The following LSS variants were observed in gnomAD, a reference collection of about 807,000 sequenced individuals.
LSS encodes the protein lanosterol synthase.
In LSS, 90 loss-of-function variants were observed where a neutral mutation model predicts 110.3. The ratio of observed to expected loss-of-function variants is 0.82; its 90% CI spans 0.69 to 0.97. LSS has a LOEUF of 0.97. Ranked by LOEUF, LSS falls within the 50% of genes least tolerant of loss-of-function variation. The pLI is 0.00. For synonymous variants in LSS, 433 were observed against 400.0 expected, an observed-to-expected ratio of 1.08 and a Z score of -0.98; for missense variants, 927 against 990.0, an observed-to-expected ratio of 0.94 and a Z score of 0.85.
chr21:46,227,743 G>A lies in LSS; in HGVS notation c.181-53C>T, dbSNP rs1010445318. On this transcript the variant is annotated intron_variant, in intron 2 of 21. Coordinates refer to ENST00000397728, the MANE Select transcript of LSS (RefSeq NM_002340.6). The stretch of plus-strand genomic sequence containing the variant: ...GAGATAGCTGACGGGACTGTTGCCC[G>A]GCCAGAGGAACCCTCTTCACATACA... 10 of 1,599,898 alleles carry A rather than the reference G, an allele frequency of 6.3e-6. No homozygotes were observed. The South Asian group carries it at 6.6e-5, about 11-fold the overall frequency.
rs761985120 is a variant in LSS, at chr21:46,207,476, A to T, written c.1419T>A (p.His473Gln). 1 of 1,612,686 alleles carries T rather than the reference A, an allele frequency of 6.2e-7. No individual in the cohort carries two copies. ...AVLLLQEKCP[H>Q]VTEHIPRERL... ...GTTCTCTGGGGATGTGCTCGGTGAC[A>T]TGGGGACACTTCTCCTGCAGGAGCA... The change falls in exon 15 of 22, where the codon CAT (histidine) becomes CAA (glutamine). Residue 473 changes from histidine (H) to glutamine (Q), a missense_variant. Transcript: ENST00000397728.
intron 17 of LSS, among the ~76,000 whole-genome samples, chr21:46,200,199 A>C (rs1308996253): frequency 1.3e-5 from 2 of 152,246 alleles, no homozygotes; most frequent in South Asian, 2.1e-4. Flanking sequence ...GTGATAAATA[A>C]GTAAATAAAC....
chr21:46,204,198 G>C (rs1322589583), intron 17 of LSS, among the ~76,000 whole-genome samples: 2 of 152,128 alleles, frequency 1.3e-5, no homozygotes, highest in African/African-American at 4.8e-5. Flanking sequence ...GGGAGGCTGA[G>C]GCAGGAGAAT....
intron 20 of LSS, chr21:46,193,091 G>C (rs925121164): frequency 2.5e-5 from 11 of 445,598 alleles, no homozygotes; most frequent in Admixed American, 7.4e-5. Context: ...GGGATACTGT[G>C]GGTGCATCTG....
intron 11 of LSS, among the ~76,000 whole-genome samples, chr21:46,211,767 C>T (rs996967967): frequency 1.3e-5 from 2 of 152,146 alleles, no homozygotes; most frequent in African/African-American, 4.8e-5. Flanking sequence ...TAAGAAGCAA[C>T]CAGTCAGATC....
rs181062412 is a variant in LSS at position 46,195,649 on chromosome 21, C to G, written c.1817+27G>C. ...CAGAGCATTGGGTTGAGAACCCCCA[C>G]CCACCAGAGGACAGGCACTCACTCA... On this transcript the variant is annotated intron_variant, in intron 19 of 21. Transcript: ENST00000397728. 5.9e-5 allele frequency: 94 copies of G among 1,602,394 alleles called. 1 individual carries two copies. Among genetic ancestry groups the G allele is most frequent in the Non-Finnish European group, 8.5e-7 (1 of 1,169,870 alleles).
intron 17 of LSS, among the ~76,000 whole-genome samples, chr21:46,199,947 T>C (rs2079958681): frequency 6.6e-6 from 1 of 152,178 alleles, no homozygotes; most frequent in Admixed American, 6.5e-5. Context: ...CTCTGGACGA[T>C]AATAATTTAT....
Position 46,219,520 on chromosome 21 carries a change from A to G in LSS, c.603T>C (p.Asn201=). Residue 201 remains asparagine, a synonymous_variant, in exon 6 of 22, where the codon AAT becomes AAC. Transcript: ENST00000397728. ...SWGKFWLAVL[N]VYSWEGLNTL... The stretch of plus-strand genomic sequence containing the variant: ...TATTGAGGCCTTCCCAGCTGTAAAC[A>G]TTCAGGACAGCCAGCCAGAACTTCC... 4.4e-6 allele frequency: 7 copies of G among 1,603,528 alleles called. No individual in the cohort carries two copies. Among genetic ancestry groups the G allele is most frequent in the Non-Finnish European group, 6.0e-6 (7 of 1,175,020 alleles).
rs536657412 is a variant in LSS, at chr21:46,190,733, AG to A, written c.*370del. The A allele has an allele frequency of 2.2e-3, 510 of 233,154 alleles. 42 individuals are homozygous for A. The highest frequency in any genetic ancestry group is 0.011 in the African/African-American group (488 of 42,742). The allele number at this position is 233,154 out of a possible 1,614,324, so 14.4% of individuals were successfully genotyped here. A position where few individuals can be genotyped will look rare whatever the true frequency, so the allele number is the denominator to read the frequency against. On this transcript the variant is annotated 3_prime_UTR_variant, in exon 22 of 22. Coordinates refer to ENST00000397728, the MANE Select transcript of LSS (RefSeq NM_002340.6). The surrounding 1 kb of genome is among the most constrained non-coding windows in gnomAD (Gnocchi z 4.6). ...CCCACTCGACACTAAGGAATCACAC[AG>A]GCACAGCTGCTCCTCTCCCAAGAAC...
Position 46,216,297 on chromosome 21 carries a change from T to C in LSS, c.783+92A>G, listed in dbSNP as rs2080205636. 1 of 1,517,382 alleles carries C rather than the reference T, an allele frequency of 6.6e-7. No individual in the cohort carries two copies. The highest frequency in any genetic ancestry group is 1.7e-5 in the Admixed American group (1 of 58,860). 94.0% of individuals were successfully genotyped at this position (1,517,382 alleles called of 1,614,324 possible). On this transcript the variant is annotated intron_variant, in intron 7 of 21. Coordinates refer to ENST00000397728, the MANE Select transcript of LSS (RefSeq NM_002340.6). This position sits in a 1 kb window ranked among gnomAD's most constrained non-coding sequence, Gnocchi z 4.2. ...CTCTCCGCTCCACAGGGCCACCAGG[T>C]GAGTGGACAGGTGTGGTTAGATTCC...
At position 46,216,507 on chromosome 21, in the gene LSS, G is replaced by A; in HGVS notation, c.665C>T (p.Ala222Val). 2 of 1,606,562 alleles carry A rather than the reference G, an allele frequency of 1.2e-6. No individual in the cohort carries two copies. Among genetic ancestry groups the A allele is most frequent in the Non-Finnish European group, 1.7e-6 (2 of 1,174,776 alleles). Residue 222 changes from alanine to valine, a missense_variant, in exon 7 of 22, where the codon GCA becomes GTA. Ala to Val is a moderately conservative substitution (Grantham distance 64). Transcript: ENST00000397728. The surrounding 1 kb of genome is among the most constrained non-coding windows in gnomAD (Gnocchi z 4.2). ...FPEMWLFPDW[A>V]PAHPSTLWCH... ...CCAGAGTGTGGAGGGGTGTGCCGGTGCCCAGTCAGGAAACAGCCTGGGGCA... is the reference window on the plus strand; with the variant it reads ...CCAGAGTGTGGAGGGGTGTGCCGGTACCCAGTCAGGAAACAGCCTGGGGCA...
chr21:46,208,326 G>A (rs776065021), intron 13 of LSS, 25 bp from the exon 14 acceptor site: 6 of 1,549,248 alleles, frequency 3.9e-6, no homozygotes, highest in Middle Eastern at 3.3e-4. Flanking sequence ...GGGCAAATGT[G>A]GAAGCAGAGA....
intron 11 of LSS, among the ~76,000 whole-genome samples, chr21:46,212,138 T>C (rs974675902): frequency 6.6e-6 from 1 of 152,160 alleles, no homozygotes; most frequent in African/African-American, 2.4e-5. Flanking sequence ...TTTACATGTG[T>C]TTTGAAAACC....
chr21:46,196,433 A>G lies in LSS; in HGVS notation c.1671-166T>C, dbSNP rs73144747. 1,581 of 615,990 alleles carry G rather than the reference A, an allele frequency of 2.6e-3. 8 individuals are homozygous for G. The highest frequency in any genetic ancestry group is 3.8e-3 in the Non-Finnish European group (1,314 of 345,438). The allele number at this position is 615,990 out of a possible 1,614,324, so 38.2% of individuals were successfully genotyped here. ...ATGAGGGTTTTAAAAAGAAGCAACC[A>G]CAGGACACCAGAGCGGGAAGCGGAT... On this transcript the variant is annotated intron_variant, in intron 17 of 21. Transcript: ENST00000397728.
At position 46,222,711 on chromosome 21, in the gene LSS, C is replaced by G; in HGVS notation, c.347G>C (p.Arg116Pro). Residue 116 changes from arginine to proline, a missense_variant, in exon 4 of 22, where the codon CGC becomes CCC. Coordinates refer to ENST00000397728, the MANE Select transcript of LSS (RefSeq NM_002340.6). ...TCTGTATCCGGCTGGCAGAGGGATG[C>G]GTGCCACGTGGCAAGTGATCAGGAG... ...PGLLITCHVARIPLPAGYREE... is the reference protein window; with the variant it reads ...PGLLITCHVAPIPLPAGYREE... 1 of 1,613,802 alleles carries G rather than the reference C, an allele frequency of 6.2e-7. No homozygotes were observed. Among genetic ancestry groups the G allele is most frequent in the Non-Finnish European group, 8.5e-7 (1 of 1,180,010 alleles).
At chr21:46,206,441 G>A (rs1306331563) in intron 16 of LSS, among the ~76,000 whole-genome samples, 1 of 152,182 alleles carries the variant, frequency 6.6e-6, no homozygotes, top group Admixed American at 6.5e-5. Context: ...ACCCTCCACT[G>A]TCCCCTAGGT....
At chr21:46,227,363 C>A (rs561209217) in intron 3 of LSS, 189 bp downstream of exon 3, 8 of 647,444 alleles carry the variant, frequency 1.2e-5, no homozygotes, top group Non-Finnish European at 2.1e-5. Flanking sequence ...TCACCCTACA[C>A]TGGCAAGGCT....
chr21:46,205,715 G>A, intron 17 of LSS, 121 bp downstream of exon 17: 1 of 698,168 alleles, frequency 1.4e-6, no homozygotes, highest in Non-Finnish European at 2.4e-6. Context: ...GAAGCCTCTT[G>A]CATGTTTCCA....
intron 17 of LSS, among the ~76,000 whole-genome samples, chr21:46,204,803 G>C (rs1434105328): frequency 6.6e-6 from 1 of 151,976 alleles, no homozygotes; most frequent in Non-Finnish European, 1.5e-5. Flanking sequence ...TTTTCCAACT[G>C]CTTTTCTAAG....
Sources: allele counts gnomAD v4.1 joint callset (sites outside exome capture counted in the v4.1 genomes callset), GRCh38; gene constraint gnomAD v4.1.1; non-coding constraint Gnocchi (gnomAD v3.1); transcripts MANE v1.5; gene names NCBI Gene and HGNC (gene_info 2026-07-23, HGNC 2026-07-21).